HTR4: variants seen among roughly 807,000 people sequenced by gnomAD.
HTR4 encodes 5-hydroxytryptamine (serotonin) receptor 4, G protein-coupled.
HTR4 carries 16 observed loss-of-function variants against 36.8 expected under a neutral mutation model. That is an observed-to-expected ratio of 0.43 (90% CI 0.29 to 0.66). HTR4 has a LOEUF of 0.66. Among genes scored for constraint, HTR4 ranks in the 30% least tolerant of loss-of-function variants. The probability of loss-of-function intolerance (pLI) is 0.13; values close to 1 mark genes in which losing one functional copy is unlikely to be tolerated. For synonymous variants in HTR4, 189 were observed against 185.1 expected (o/e 1.02, Z -0.17); for missense variants, 438 against 490.9 (o/e 0.89, Z 1.02).
At chr5:148,501,638 C>G (rs1397334968) in intron 6 of HTR4, among the ~76,000 whole-genome samples, 1 of 152,138 alleles carries the variant, frequency 6.6e-6, no homozygotes, top group Non-Finnish European at 1.5e-5. Flanking sequence ...ATAAAATAGG[C>G]AGAATTCCTG....
chr5:148,581,131 A>G (rs1259778521), intron 2 of HTR4, among the ~76,000 whole-genome samples: 2 of 151,080 alleles, frequency 1.3e-5, no homozygotes, highest in African/African-American at 2.4e-5. Context: ...TTTGTTTGTC[A>G]TTTGTATGTT....
chr5:148,576,531 A>G (rs1403700704), intron 2 of HTR4, among the ~76,000 whole-genome samples: 1 of 152,092 alleles, frequency 6.6e-6, no homozygotes, highest in Non-Finnish European at 1.5e-5. Flanking sequence ...AGCAAAAAAC[A>G]ACGAAGCTGA....
At chr5:148,480,432 G>A (rs970050532), downstream of HTR4, among the ~76,000 whole-genome samples, 6 of 152,172 alleles carry the variant, frequency 3.9e-5, no homozygotes, top group Non-Finnish European at 5.9e-5. Flanking sequence ...AGGCTGAAGT[G>A]CAGTGGTGCA....
chr5:148,510,316 G>A (rs1046769521), intron 5 of HTR4, among the ~76,000 whole-genome samples: 1 of 152,082 alleles, frequency 6.6e-6, no homozygotes, highest in African/African-American at 2.4e-5. Context: ...CATATCCCAG[G>A]GCCCAGAGAA....
At chr5:148,633,539 C>T (rs564361125) in intron 2 of HTR4, among the ~76,000 whole-genome samples, 124 of 148,392 alleles carry the variant, frequency 8.4e-4, no homozygotes, top group African/African-American at 3.0e-3. Context: ...CTCCCCCAAC[C>T]CCACAACAGT....
intron 2 of HTR4, among the ~76,000 whole-genome samples, chr5:148,571,056 T>C (rs1760655590): frequency 6.6e-6 from 1 of 152,016 alleles, no homozygotes. Flanking sequence ...CATTACAACA[T>C]GAGGGACAAT....
At chr5:148,517,792 C>T (rs1431562270) in intron 5 of HTR4, among the ~76,000 whole-genome samples, 1 of 152,134 alleles carries the variant, frequency 6.6e-6, no homozygotes, top group Non-Finnish European at 1.5e-5. Context: ...AACAGAAAAA[C>T]CAGAAAGATT....
At chr5:148,480,931 T>C (rs115897041), downstream of HTR4, among the ~76,000 whole-genome samples, 940 of 152,332 alleles carry the variant, frequency 6.2e-3, 9 homozygotes, top group African/African-American at 0.021. Context: ...AAAAATTATC[T>C]TATATCTCCA....
intron 2 of HTR4, among the ~76,000 whole-genome samples, chr5:148,584,896 C>T (rs892104862): frequency 5.9e-5 from 9 of 152,196 alleles, no homozygotes; most frequent in Non-Finnish European, 1.3e-4. Context: ...ACAGAGACAA[C>T]AAAATGGAAG....
intron 1 of HTR4, among the ~76,000 whole-genome samples, chr5:148,650,128 A>G (rs34111912): frequency 0.19 from 29,490 of 152,076 alleles, 3,432 homozygotes; most frequent in East Asian, 0.4. Context: ...CATCATGATC[A>G]TGTAAAATGG....
chr5:148,484,402 G>C (rs760946317), intron 6 of HTR4: 13 of 1,601,282 alleles, frequency 8.1e-6, no homozygotes. Context: ...GAAATTATTT[G>C]GCATGAATTA....
intron 4 of HTR4, among the ~76,000 whole-genome samples, chr5:148,528,363 G>A (rs1758389454): frequency 6.6e-6 from 1 of 152,090 alleles, no homozygotes; most frequent in Admixed American, 6.5e-5. Flanking sequence ...TCGAATTCTA[G>A]CATCTACTTA....
intron 2 of HTR4, among the ~76,000 whole-genome samples, chr5:148,583,605 T>C (rs983144162): frequency 2.8e-5 from 4 of 140,852 alleles, no homozygotes; most frequent in Admixed American, 1.4e-4. Flanking sequence ...TCATTAATAC[T>C]AATTGCCATC....
intron 5 of HTR4, among the ~76,000 whole-genome samples, chr5:148,517,108 C>A (rs1757793870): frequency 1.3e-5 from 2 of 152,092 alleles, no homozygotes; most frequent in African/African-American, 4.8e-5. Flanking sequence ...TTTTATTTAG[C>A]TTTGATAGTC....
At chr5:148,458,624 G>A (rs1341369356) in intron 5 of HTR4, among the ~76,000 whole-genome samples, 2 of 152,096 alleles carry the variant, frequency 1.3e-5, no homozygotes, top group African/African-American at 4.8e-5. Flanking sequence ...AATTGAGTAG[G>A]GGCTCACCAA....
At chr5:148,524,307 G>C (rs1758160840) in intron 4 of HTR4, among the ~76,000 whole-genome samples, 1 of 152,084 alleles carries the variant, frequency 6.6e-6, no homozygotes, top group Non-Finnish European at 1.5e-5. Context: ...CATCACTTCT[G>C]GGACAAACCA....
intron 2 of HTR4, among the ~76,000 whole-genome samples, chr5:148,624,706 A>C (rs910979088): frequency 3.9e-5 from 6 of 152,150 alleles, no homozygotes; most frequent in Non-Finnish European, 5.9e-5. Context: ...CCAGGCTGCA[A>C]GTGAAATTCA....
At chr5:148,627,826 C>G (rs150008804) in intron 2 of HTR4, among the ~76,000 whole-genome samples, 15 of 152,108 alleles carry the variant, frequency 9.9e-5, no homozygotes. Flanking sequence ...GGTAATAAAA[C>G]AGAATTCCTG....
intron 4 of HTR4, among the ~76,000 whole-genome samples, chr5:148,529,674 C>T (rs189344364): frequency 1.4e-4 from 22 of 152,150 alleles, no homozygotes; most frequent in East Asian, 5.8e-4. Context: ...AAAAGATAAC[C>T]GAAAATGTGG....
Sources: allele counts gnomAD v4.1 joint callset (sites outside exome capture counted in the v4.1 genomes callset), GRCh38; gene constraint gnomAD v4.1.1; transcripts MANE v1.5; gene names NCBI Gene and HGNC (gene_info 2026-07-23, HGNC 2026-07-21).